Variants in CXorf66 observed in about 807,000 individuals in gnomAD.
CXorf66 encodes the protein uncharacterized protein CXorf66.
Under a neutral mutation model 5.0 loss-of-function variants are expected in CXorf66, and 6 were observed. The ratio of observed to expected loss-of-function variants is 1.20; its 90% CI spans 0.65 to 2.36. CXorf66 has a LOEUF of 2.36. Among genes scored for constraint, CXorf66 ranks in the 30% most tolerant of loss-of-function variants. CXorf66 has a pLI of 0.00. For missense variants in CXorf66, 270 were observed against 254.9 expected, an observed-to-expected ratio of 1.06 and a Z score of -0.40; for synonymous variants, 98 against 102.8, an observed-to-expected ratio of 0.95 and a Z score of 0.28.
intron 1 of CXorf66, among the ~76,000 whole-genome samples, chrX:139,961,350 G>C (rs780894390): frequency 2.7e-5 from 3 of 111,856 alleles, no homozygotes; most frequent in Non-Finnish European, 3.8e-5. Context: ...TTACATAATG[G>C]TAAAGGTATC....
chrX:139,961,469 C>T (rs771531985), intron 1 of CXorf66, among the ~76,000 whole-genome samples: 7 of 111,880 alleles, frequency 6.3e-5, no homozygotes, highest in Non-Finnish European at 1.1e-4. Flanking sequence ...TAGACTCCCA[C>T]ACAATAATAG....
In CXorf66 at chrX:139,957,021, C is replaced by T. The variant is rs2085576477; in HGVS notation, c.243-282G>A. Among the ~76,000 whole-genome samples the T allele has an allele frequency of 4.5e-5, 5 of 110,652 alleles. No individual in the cohort carries two copies. The South Asian group carries it at 1.5e-3, about 34-fold the overall frequency. On this transcript the variant is annotated intron_variant, in intron 2 of 2. Transcript: ENST00000370540. ...TCTCTACTAAAAATACAAAAATTAG[C>T]CTGGTGTGGTGGCGCACACCTGTAG...
Position 139,956,014 on chromosome X carries a change from T to C in CXorf66, c.968A>G (p.His323Arg). Residue 323 changes from histidine (H) to arginine (R), a missense_variant, in exon 3 of 3, where the codon CAT becomes CGT. Physicochemically the swap from His to Arg is conservative, Grantham distance 29. Coordinates refer to ENST00000370540, the MANE Select transcript of CXorf66 (RefSeq NM_001013403.3). The stretch of plus-strand genomic sequence containing the variant: ...TTTCATCGTATCACTGTCATTCACA[T>C]GATCACCGTATGCATTGTTCCTGGA... ...LDSRNNAYGD[H>R]VNDSDTMKYY... is the part of the protein sequence containing the mutation. 8.3e-7 allele frequency: 1 copy of C among 1,211,437 alleles called. No individual in the cohort carries two copies. Among genetic ancestry groups the C allele is most frequent in the Non-Finnish European group, 1.1e-6 (1 of 895,157 alleles).
Position 139,956,247 on chromosome X carries a change from T to G in CXorf66, c.735A>C (p.Pro245=). 1 of 1,211,893 alleles carries G rather than the reference T, an allele frequency of 8.3e-7. No individual in the cohort carries two copies. The highest frequency in any genetic ancestry group is 1.1e-6 in the Non-Finnish European group (1 of 895,563). Residue 245 remains proline (P), a synonymous_variant, in exon 3 of 3, where the codon CCA becomes CCC. Transcript: ENST00000370540. Reference sequence around the variant, plus strand: ...CCCTGCCTAGACTCACTGACCTTTTTGGATTAAAATGTTTGGGAGGCTTAG... The same window carrying G: ...CCCTGCCTAGACTCACTGACCTTTTGGGATTAAAATGTTTGGGAGGCTTAG... ...ELAKPPKHFN[P]KRSVSLGRAA...
chrX:139,956,209 G>GAT lies in CXorf66; in HGVS notation c.771_772dup (p.Ser258TyrfsTer6). On this transcript the variant is annotated frameshift_variant, in exon 3 of 3. Transcript: ENST00000370540. LOFTEE classifies it low-confidence loss of function (END_TRUNC). Reference sequence around the variant, plus strand: ...ACAAGTTTCAGCTAATTCAGAGTTGGATAATAAGGCTGCCCTGCCTAGACT... The same window carrying GAT: ...ACAAGTTTCAGCTAATTCAGAGTTGGATATAATAAGGCTGCCCTGCCTAGACT... 1 of 1,211,493 alleles carries GAT rather than the reference G, an allele frequency of 8.3e-7. No homozygotes were observed. Among genetic ancestry groups the GAT allele is most frequent in the Non-Finnish European group, 1.1e-6 (1 of 895,165 alleles).
In CXorf66 at chrX:139,955,997, T is replaced by C; in HGVS notation, c.985A>G (p.Thr329Ala). 8.3e-7 allele frequency: 1 copy of C among 1,210,739 alleles called. No individual in the cohort carries two copies. The highest frequency in any genetic ancestry group is 1.1e-6 in the Non-Finnish European group (1 of 894,563). The change falls in exon 3 of 3, where the codon ACG (threonine) becomes GCG (alanine). Residue 329 changes from threonine (T) to alanine (A), a missense_variant. Thr to Ala is a moderately conservative substitution (Grantham distance 58). Transcript: ENST00000370540. Reference sequence around the variant, plus strand: ...TCAACCTCACTATAATATTTCATCGTATCACTGTCATTCACATGATCACCG... The same window carrying C: ...TCAACCTCACTATAATATTTCATCGCATCACTGTCATTCACATGATCACCG... ...AYGDHVNDSD[T>A]MKYYSEVDSD...
chrX:139,961,605 C>G (rs779303878), intron 1 of CXorf66, among the ~76,000 whole-genome samples: 4 of 112,251 alleles, frequency 3.6e-5, no homozygotes, highest in Non-Finnish European at 5.6e-5. Flanking sequence ...CAACCCAAAT[C>G]AACAGAATAT....
In CXorf66 at chrX:139,956,023, T is replaced by C; in HGVS notation, c.959A>G (p.Tyr320Cys). The change falls in exon 3 of 3, where the codon TAC (tyrosine) becomes TGC (cysteine). Residue 320 changes from tyrosine to cysteine, a missense_variant. Coordinates refer to ENST00000370540, the MANE Select transcript of CXorf66 (RefSeq NM_001013403.3). ...ATCACTGTCATTCACATGATCACCG[T>C]ATGCATTGTTCCTGGAATCTAACTT... Reference protein sequence around the residue: ...FRKLDSRNNAYGDHVNDSDTM... With the variant: ...FRKLDSRNNACGDHVNDSDTM... 2 of 1,211,148 alleles carry C rather than the reference T, an allele frequency of 1.7e-6. No individual in the cohort carries two copies. The highest frequency in any genetic ancestry group is 2.2e-6 in the Non-Finnish European group (2 of 894,912).
chrX:139,956,176 T>C lies in CXorf66; in HGVS notation c.806A>G (p.Tyr269Cys). 2 of 1,211,686 alleles carry C rather than the reference T, an allele frequency of 1.7e-6. No homozygotes were observed. The highest frequency in any genetic ancestry group is 1.1e-6 in the Non-Finnish European group (1 of 895,371). Residue 269 changes from tyrosine (Y) to cysteine (C), a missense_variant, in exon 3 of 3, where the codon TAC becomes TGC. Transcript: ENST00000370540. ...NSELAETCQPYKKKHLVAKTY... is the reference protein window; with the variant it reads ...NSELAETCQPCKKKHLVAKTY... ...TTTGGCAACAAGATGTTTTTTCTTG[T>C]AGGGTTGACAAGTTTCAGCTAATTC... is the stretch of plus-strand genomic sequence containing the variant.
chrX:139,963,713 A>C (rs1208751152), intron 1 of CXorf66, among the ~76,000 whole-genome samples: 2 of 103,651 alleles, frequency 1.9e-5, no homozygotes, highest in Admixed American at 2.1e-4. Flanking sequence ...ACCAAAACAG[A>C]TACATAGACC....
At chrX:139,961,477 T>C (rs1448298182) in intron 1 of CXorf66, among the ~76,000 whole-genome samples, 2 of 111,734 alleles carry the variant, frequency 1.8e-5, no homozygotes, top group African/African-American at 6.5e-5. Flanking sequence ...CACACAATAA[T>C]AGTGGGAAAC....
chrX:139,959,799 C>T (rs1330042720), intron 1 of CXorf66, among the ~76,000 whole-genome samples: 5 of 111,681 alleles, frequency 4.5e-5, no homozygotes, highest in Non-Finnish European at 9.4e-5. Flanking sequence ...GAGTGGACCT[C>T]CAGCAAACTG....
At chrX:139,961,257 C>A (rs2085592393) in intron 1 of CXorf66, among the ~76,000 whole-genome samples, 1 of 110,943 alleles carries the variant, frequency 9.0e-6, no homozygotes, top group African/African-American at 3.3e-5. Context: ...GAATGGAAAG[C>A]CAAAAAAAGC....
At chrX:139,962,754 A>G (rs888033765) in intron 1 of CXorf66, among the ~76,000 whole-genome samples, 1 of 111,907 alleles carries the variant, frequency 8.9e-6, no homozygotes, top group African/African-American at 3.2e-5. Flanking sequence ...CCTGGGATGC[A>G]AGGCTGGTTC....
In CXorf66 at chrX:139,956,718, T is replaced by A; in HGVS notation, c.264A>T (p.Ala88=). ...TGAATGATGTTTTAGATGACTTGGCTGCTATGCCTTTTTTCTTGACCCTGA... is the reference window on the plus strand; with the variant it reads ...TGAATGATGTTTTAGATGACTTGGCAGCTATGCCTTTTTTCTTGACCCTGA... The part of the protein sequence containing the change: ...KAGMVKKKGI[A]AKSSKTSFSE... Residue 88 remains alanine, a synonymous_variant, in exon 3 of 3, where the codon GCA becomes GCT. Transcript: ENST00000370540. 8.3e-7 allele frequency: 1 copy of A among 1,206,786 alleles called. No homozygotes were observed. The highest frequency in any genetic ancestry group is 1.1e-6 in the Non-Finnish European group (1 of 892,829).
chrX:139,964,612 C>T (rs758293284), intron 1 of CXorf66, among the ~76,000 whole-genome samples: 2 of 111,529 alleles, frequency 1.8e-5, no homozygotes, highest in Admixed American at 1.9e-4. Flanking sequence ...CGCATACACA[C>T]GTATGTTTAT....
Position 139,956,445 on chromosome X carries a change from C to T in CXorf66, c.537G>A (p.Leu179=), listed in dbSNP as rs373631018. 1.2e-5 allele frequency: 14 copies of T among 1,211,656 alleles called. No individual in the cohort carries two copies. The highest frequency in any genetic ancestry group is 1.5e-5 in the Non-Finnish European group (13 of 895,324). ...CSKKLSKSSH[L]EKAHKKGSLE... is the part of the protein sequence containing the mutation. ...GGCTGCCTTTCTTATGTGCCTTTTC[C>T]AGGTGAGATGACTTGCTTAATTTTT... The change falls in exon 3 of 3, where the codon CTG becomes CTA. Residue 179 remains leucine (L), a synonymous_variant. Transcript: ENST00000370540.
At position 139,956,115 on chromosome X, in the gene CXorf66, T is replaced by C. The variant is rs757519927; in HGVS notation, c.867A>G (p.Ala289=). ...YRPLVNDISE[A]KEKNTQNLHV... The stretch of plus-strand genomic sequence containing the variant: ...GTAGGTTTTGAGTGTTTTTCTCCTT[T>C]GCCTCAGAAATATCATTGACCAAAG... The change falls in exon 3 of 3, where the codon GCA becomes GCG. Residue 289 remains alanine (A), a synonymous_variant. Transcript: ENST00000370540. The C allele has an allele frequency of 2.5e-6, 3 of 1,211,732 alleles. No homozygotes were observed. The highest frequency in any genetic ancestry group is 3.0e-5 in the East Asian group (1 of 33,846).
intron 1 of CXorf66, among the ~76,000 whole-genome samples, chrX:139,961,315 A>G (rs921216540): frequency 8.9e-6 from 1 of 111,824 alleles, no homozygotes; most frequent in Non-Finnish European, 1.9e-5. Flanking sequence ...AAACCAACAA[A>G]GATCAAAAAA....
Sources: gnomAD v4.1 joint callset for allele counts (sites outside exome capture counted in the v4.1 genomes callset) on GRCh38, gnomAD v4.1.1 for gene constraint, MANE v1.5 for transcripts, NCBI Gene and HGNC (gene_info 2026-07-23, HGNC 2026-07-21) for gene names.